SMARCB1: variants seen among roughly 807,000 people sequenced by gnomAD.
The protein encoded by SMARCB1 is SWI/SNF related BAF chromatin remodeling complex subunit B1.
A neutral mutation model predicts 49.0 loss-of-function variants in SMARCB1; 5 were observed. The ratio of observed to expected loss-of-function variants is 0.10; its 90% CI spans 0.05 to 0.21. The LOEUF (loss-of-function observed/expected upper bound fraction) is 0.21. SMARCB1 is among the 10% of genes least tolerant of loss of function. The pLI, the probability that SMARCB1 is intolerant of heterozygous loss-of-function variation, is 1.00. For missense variants in SMARCB1, 226 were observed against 509.2 expected (o/e 0.44, Z 5.35); for synonymous variants, 201 against 200.1 (o/e 1.00, Z -0.04).
intron 8 of SMARCB1, 145 bp downstream of exon 8, chr22:23,833,848 A>G (rs1477966853): frequency 1.1e-6 from 1 of 920,258 alleles, no homozygotes; most frequent in Admixed American, 2.0e-5. Flanking sequence ...CTTCTGGGTG[A>G]TAAGGCCCCA....
intron 3 of SMARCB1, among the ~76,000 whole-genome samples, chr22:23,799,466 T>A (rs986460242): frequency 4.7e-5 from 7 of 150,188 alleles, no homozygotes; most frequent in Non-Finnish European, 1.0e-4. Flanking sequence ...TTGGTAGGGT[T>A]GAGGTTTCAC....
intron 5 of SMARCB1, among the ~76,000 whole-genome samples, chr22:23,814,509 T>C (rs538470995): frequency 6.6e-6 from 1 of 151,582 alleles, no homozygotes; most frequent in South Asian, 2.1e-4. Flanking sequence ...CTACTAAAAA[T>C]ACACAATTAG....
intron 4 of SMARCB1, chr22:23,801,400 G>T: frequency 3.1e-6 from 2 of 652,832 alleles, no homozygotes; most frequent in Non-Finnish European, 5.7e-6. Context: ...CAGTCTGATG[G>T]TGCAGATGCC....
chr22:23,791,927 C>A, intron 2 of SMARCB1, 33 bp downstream of exon 2: 2 of 1,609,510 alleles, frequency 1.2e-6, no homozygotes, highest in South Asian at 1.1e-5. Flanking sequence ...AAACCTGTTT[C>A]AAAACCACTC....
intron 5 of SMARCB1, chr22:23,816,174 T>A (rs1276235431): frequency 6.1e-6 from 1 of 164,344 alleles, no homozygotes; most frequent in African/African-American, 2.4e-5. Flanking sequence ...AGGACCTTGC[T>A]GAGGTCTGGC....
chr22:23,810,146 T>C (rs1929774077), intron 5 of SMARCB1, among the ~76,000 whole-genome samples: 3 of 149,940 alleles, frequency 2.0e-5, no homozygotes, highest in South Asian at 4.2e-4. Flanking sequence ...CACTCCAGCC[T>C]GGGTGACAGA....
At position 23,834,661 on chromosome 22, in the gene SMARCB1, C is replaced by T; in HGVS notation, c.*481C>T. 1 of 987,578 alleles carries T rather than the reference C, an allele frequency of 1.0e-6. No homozygotes were observed. The highest frequency in any genetic ancestry group is 1.5e-6 in the Non-Finnish European group (1 of 673,336). The allele number at this position is 987,578 out of a possible 1,614,324, so 61.2% of individuals were successfully genotyped here. On this transcript the variant is annotated 3_prime_UTR_variant, in exon 9 of 9. Coordinates refer to ENST00000644036, the MANE Select transcript of SMARCB1 (RefSeq NM_003073.5). ...CCTCTGCCTCAGATTCCCAAGTGGG[C>T]AGGTGGGGGTGAATGGGGCTCCGGG...
Position 23,793,821 on chromosome 22 carries a change from G to A in SMARCB1, c.362+133G>A, listed in dbSNP as rs948917839. ...TTTGAGATGGAATCTTGTTCTTGTCGCCCAGGCTGGAGTGCAGTGGCACGA... is the reference window on the plus strand; with the variant it reads ...TTTGAGATGGAATCTTGTTCTTGTCACCCAGGCTGGAGTGCAGTGGCACGA... On this transcript the variant is annotated intron_variant, in intron 3 of 8. Transcript: ENST00000644036. 1.3e-4 allele frequency: 124 copies of A among 941,668 alleles called. 1 individual carries two copies. The highest frequency in any genetic ancestry group is 1.1e-4 in the Non-Finnish European group (71 of 618,986). 58.3% of individuals were successfully genotyped at this position (941,668 alleles called of 1,614,324 possible).
chr22:23,826,089 C>T (rs1407899140), intron 7 of SMARCB1: 2 of 152,516 alleles, frequency 1.3e-5, no homozygotes, highest in East Asian at 1.9e-4. Flanking sequence ...GGGAGAGGCC[C>T]TCCTGTTCCT....
intron 5 of SMARCB1, among the ~76,000 whole-genome samples, chr22:23,806,054 G>C (rs1337009995): frequency 6.6e-6 from 1 of 152,228 alleles, no homozygotes; most frequent in African/African-American, 2.4e-5. Flanking sequence ...AAGTTGAAGA[G>C]GGAGCTCGTA....
chr22:23,833,547 C>G, intron 7 of SMARCB1, 25 bp from the exon 8 acceptor site: 2 of 1,614,160 alleles, frequency 1.2e-6, no homozygotes, highest in Non-Finnish European at 1.7e-6. Context: ...AAAGTCATTC[C>G]TCTCACTGCC....
chr22:23,789,070 A>G (rs1010263359), intron 1 of SMARCB1, among the ~76,000 whole-genome samples: 2 of 152,144 alleles, frequency 1.3e-5, no homozygotes, highest in African/African-American at 4.8e-5. Flanking sequence ...GGCTGGTCTT[A>G]AACTTGTGAG....
chr22:23,795,267 T>C (rs1198161019), intron 3 of SMARCB1, among the ~76,000 whole-genome samples: 1 of 152,082 alleles, frequency 6.6e-6, no homozygotes, highest in Admixed American at 6.6e-5. Flanking sequence ...TGAGACGTTA[T>C]CTCTACTGAA....
At position 23,827,683 on chromosome 22, in the gene SMARCB1, G is replaced by A. The variant is rs200653407; in HGVS notation, c.986+2268G>A. 4.9e-3 allele frequency among the ~76,000 whole-genome samples: 741 copies of A among 152,328 alleles called. 20 individuals are homozygous for A. In the South Asian group the frequency reaches 0.081, roughly 17 times the overall value. ...TATCACAGCAGCCAGATGGAGAGGC[G>A]GCCTGCCTGGGGAACTGGGAAGTGT... On this transcript the variant is annotated intron_variant, in intron 7 of 8. Coordinates refer to ENST00000644036, the MANE Select transcript of SMARCB1 (RefSeq NM_003073.5).
chr22:23,817,149 C>G, intron 6 of SMARCB1: 2 of 605,448 alleles, frequency 3.3e-6, no homozygotes, highest in African/African-American at 1.8e-5. Flanking sequence ...CGGACACATT[C>G]AGGGGGTGTC....
chr22:23,792,294 G>A, intron 2 of SMARCB1: 2 of 351,950 alleles, frequency 5.7e-6, no homozygotes, highest in South Asian at 4.4e-5. Flanking sequence ...GGCTTTCACT[G>A]CTTGCTTCCT....
At chr22:23,797,466 G>C (rs1458424512) in intron 3 of SMARCB1, among the ~76,000 whole-genome samples, 1 of 148,968 alleles carries the variant, frequency 6.7e-6, no homozygotes, top group African/African-American at 2.5e-5. Flanking sequence ...CTGTCACCAC[G>C]CCCGTCTAAT....
chr22:23,836,344 C>A lies in SMARCB1; in HGVS notation c.*2164C>A, dbSNP rs973424494. The A allele has an allele frequency of 1.3e-5, 13 of 985,562 alleles. No homozygotes were observed. Among genetic ancestry groups the A allele is most frequent in the East Asian group, 2.3e-4 (2 of 8,820 alleles). 61.1% of individuals were successfully genotyped at this position (985,562 alleles called of 1,614,324 possible). A position where few individuals can be genotyped will look rare whatever the true frequency, so the allele number is the denominator to read the frequency against. On this transcript the variant is annotated 3_prime_UTR_variant, in exon 9 of 9. Coordinates refer to ENST00000644036, the MANE Select transcript of SMARCB1 (RefSeq NM_003073.5). Reference sequence around the variant, plus strand: ...GAGACAGGAGAGGCTAGATTGGCATCAGCCTGAAGGCACCACTGGCAGGAA... The same window carrying A: ...GAGACAGGAGAGGCTAGATTGGCATAAGCCTGAAGGCACCACTGGCAGGAA...
chr22:23,834,601 G>C lies in SMARCB1; in HGVS notation c.*421G>C. 1.4e-6 allele frequency: 1 copy of C among 719,188 alleles called. No individual in the cohort carries two copies. The highest frequency in any genetic ancestry group is 2.5e-6 in the Non-Finnish European group (1 of 406,866). 44.6% of individuals were successfully genotyped at this position (719,188 alleles called of 1,614,324 possible). Reference sequence around the variant, plus strand: ...GCCGGGGCCTGGGGGGACGAAGGTGGTATGTGAACAAGGTTGGCACACAGG... The same window carrying C: ...GCCGGGGCCTGGGGGGACGAAGGTGCTATGTGAACAAGGTTGGCACACAGG... On this transcript the variant is annotated 3_prime_UTR_variant, in exon 9 of 9. Transcript: ENST00000644036.
Sources: gnomAD v4.1 joint callset for allele counts (sites outside exome capture counted in the v4.1 genomes callset) on GRCh38, gnomAD v4.1.1 for gene constraint, MANE v1.5 for transcripts, NCBI Gene and HGNC (gene_info 2026-07-23, HGNC 2026-07-21) for gene names.